CREB3L2: variants seen among roughly 807,000 people sequenced by gnomAD.
CREB3L2 encodes the protein cyclic AMP-responsive element-binding protein 3-like protein 2.
In CREB3L2, 23 loss-of-function variants were observed where a neutral mutation model predicts 57.2. The ratio of observed to expected loss-of-function variants is 0.40; its 90% CI spans 0.29 to 0.57. The LOEUF is 0.57. CREB3L2 is among the 20% of genes least tolerant of loss of function. The probability of loss-of-function intolerance (pLI) is 0.42; values close to 1 mark genes in which losing one functional copy is unlikely to be tolerated. For missense variants in CREB3L2, 628 were observed against 634.7 expected, an observed-to-expected ratio of 0.99 and a Z score of 0.11; for synonymous variants, 268 against 265.1, an observed-to-expected ratio of 1.01 and a Z score of -0.11.
chr7:137,990,598 A>C (rs1801875565), intron 1 of CREB3L2, among the ~76,000 whole-genome samples: 1 of 152,200 alleles, frequency 6.6e-6, no homozygotes, highest in South Asian at 2.1e-4. Flanking sequence ...CCCAGGATGC[A>C]AACAGACAGG....
chr7:137,953,602 A>G, intron 1 of CREB3L2: 1 of 1,037,390 alleles, frequency 9.6e-7, no homozygotes, highest in South Asian at 1.3e-5. Flanking sequence ...AAATCATTTC[A>G]TCTCTGTTGG....
intron 1 of CREB3L2, among the ~76,000 whole-genome samples, chr7:138,000,318 T>A (rs1216331004): frequency 6.6e-6 from 1 of 152,220 alleles, no homozygotes; most frequent in African/African-American, 2.4e-5. Context: ...AGGAAGCACA[T>A]CTGGTACCCC....
intron 1 of CREB3L2, among the ~76,000 whole-genome samples, chr7:137,996,510 C>A (rs924008823): frequency 1.5e-4 from 23 of 152,224 alleles, no homozygotes; most frequent in Non-Finnish European, 2.4e-4. Flanking sequence ...CCCTTCAGAA[C>A]CTGGCCTGGG....
intron 7 of CREB3L2, among the ~76,000 whole-genome samples, chr7:137,901,874 CAAAAAAAAAAA>C (rs59855306): frequency 1.9e-4 from 11 of 57,838 alleles, no homozygotes; most frequent in African/African-American, 6.6e-4. Flanking sequence ...AGATCTGTCT[CAAAAAAAAAAA>C]AAAAAAAGAA....
chr7:137,939,309 A>G (rs1800843465), intron 1 of CREB3L2, among the ~76,000 whole-genome samples: 1 of 152,206 alleles, frequency 6.6e-6, no homozygotes, highest in Non-Finnish European at 1.5e-5. Context: ...GGAGTAGGGC[A>G]GGACCCCTTC....
At chr7:137,912,797 T>C (rs1016256255) in intron 4 of CREB3L2, 194 bp downstream of exon 4, 2 of 1,477,256 alleles carry the variant, frequency 1.4e-6, no homozygotes, top group South Asian at 1.2e-5. Flanking sequence ...CGTGCATATA[T>C]GGGAAAATAA....
chr7:137,951,844 G>C (rs1801108606), intron 1 of CREB3L2, among the ~76,000 whole-genome samples: 1 of 152,098 alleles, frequency 6.6e-6, no homozygotes, highest in African/African-American at 2.4e-5. Context: ...GTTTTAATTA[G>C]CTGGGCGTGG....
At chr7:137,941,956 G>A (rs910268261) in intron 1 of CREB3L2, among the ~76,000 whole-genome samples, 6 of 152,188 alleles carry the variant, frequency 3.9e-5, no homozygotes, top group East Asian at 1.9e-4. Flanking sequence ...GAACTCGGTC[G>A]ATTCTAGTTT....
chr7:137,946,707 TTA>T (rs1417647219), intron 1 of CREB3L2, among the ~76,000 whole-genome samples: 1 of 147,052 alleles, frequency 6.8e-6, no homozygotes, highest in Non-Finnish European at 1.5e-5. Flanking sequence ...CCATACATTT[TTA>T]TATATAGTTA....
In CREB3L2 at chr7:137,878,989, T is replaced by G; in HGVS notation, c.*1487A>C. ...AGAGAGAAGCCAAAACCAAAGGCAT[T>G]TCAGCTGCTAATAAAAATAAAATAC... On this transcript the variant is annotated 3_prime_UTR_variant, in exon 12 of 12. Coordinates refer to ENST00000330387, the MANE Select transcript of CREB3L2 (RefSeq NM_194071.4). 2.4e-6 allele frequency: 1 copy of G among 408,234 alleles called. No homozygotes were observed. The highest frequency in any genetic ancestry group is 2.3e-5 in the South Asian group (1 of 43,092). 25.3% of individuals were successfully genotyped at this position (408,234 alleles called of 1,614,324 possible).
At chr7:137,930,086 A>G (rs550162699) in intron 1 of CREB3L2, among the ~76,000 whole-genome samples, 1 of 151,792 alleles carries the variant, frequency 6.6e-6, no homozygotes, top group South Asian at 2.1e-4. Context: ...TGTAGTAGAG[A>G]CAGGGTTTCA....
chr7:137,917,299 C>T (rs1276280606), intron 2 of CREB3L2, among the ~76,000 whole-genome samples: 1 of 152,006 alleles, frequency 6.6e-6, no homozygotes, highest in Non-Finnish European at 1.5e-5. Context: ...TTGGAGCTAG[C>T]GCTCAGCACT....
intron 1 of CREB3L2, among the ~76,000 whole-genome samples, chr7:137,929,967 C>T (rs273974): frequency 0.44 from 65,993 of 150,834 alleles, 15,378 homozygotes; most frequent in East Asian, 0.78. Context: ...GCGCGATCTC[C>T]ACTGCAAGCT....
intron 1 of CREB3L2, among the ~76,000 whole-genome samples, chr7:137,961,110 C>A (rs1326114547): frequency 6.7e-6 from 1 of 148,254 alleles, no homozygotes; most frequent in Non-Finnish European, 1.5e-5. Flanking sequence ...CTTAAAAAAC[C>A]AATCTATTAT....
rs1300953079 is a variant in CREB3L2, at chr7:137,875,083, GC to G, written c.*5392del. 5.4e-6 allele frequency: 1 copy of G among 184,110 alleles called. No homozygotes were observed. The highest frequency in any genetic ancestry group is 1.1e-5 in the Non-Finnish European group (1 of 91,614). 11.4% of individuals were successfully genotyped at this position (184,110 alleles called of 1,614,324 possible). On this transcript the variant is annotated 3_prime_UTR_variant, in exon 12 of 12. Coordinates refer to ENST00000330387, the MANE Select transcript of CREB3L2 (RefSeq NM_194071.4). Reference sequence around the variant, plus strand: ...AAACTAAGTACAAGTGTCCTACAAAGCTTTTTTTTTTTTTTGGTATTTACTT... The same window carrying G: ...AAACTAAGTACAAGTGTCCTACAAAGTTTTTTTTTTTTTTGGTATTTACTT...
At chr7:137,903,378 C>T (rs879566105) in intron 7 of CREB3L2, among the ~76,000 whole-genome samples, 2 of 152,128 alleles carry the variant, frequency 1.3e-5, no homozygotes, top group African/African-American at 2.4e-5. Flanking sequence ...AGCTAAAGAA[C>T]TAACTTCCAG....
chr7:137,875,194 T>C lies in CREB3L2; in HGVS notation c.*5282A>G, dbSNP rs902267658. 5 of 211,686 alleles carry C rather than the reference T, an allele frequency of 2.4e-5. No homozygotes were observed. The highest frequency in any genetic ancestry group is 3.8e-5 in the Non-Finnish European group (4 of 104,224). 13.1% of individuals were successfully genotyped at this position (211,686 alleles called of 1,614,324 possible). On this transcript the variant is annotated 3_prime_UTR_variant, in exon 12 of 12. Transcript: ENST00000330387. ...CAACGTATTTAGATTTAAACACTGC[T>C]GGTCTACGTAACCTGTTACAAAAGA... is the stretch of plus-strand genomic sequence containing the variant.
At chr7:137,963,810 T>C (rs1376076251) in intron 1 of CREB3L2, among the ~76,000 whole-genome samples, 1 of 152,254 alleles carries the variant, frequency 6.6e-6, no homozygotes, top group Non-Finnish European at 1.5e-5. Flanking sequence ...AGTTTAAAAA[T>C]AGTTATTGCC....
rs117134918 is a variant in CREB3L2 at position 137,954,880 on chromosome 7, A to G, written c.103-26514T>C. Among the ~76,000 whole-genome samples, 10 of 152,272 alleles carry G rather than the reference A, an allele frequency of 6.6e-5. No homozygotes were observed. The East Asian group carries it at 1.7e-3, about 26-fold the overall frequency. On this transcript the variant is annotated intron_variant, in intron 1 of 11. Transcript: ENST00000330387. ...ACTGCCCAACCTACAAAGGAATAGAAAGAAGACTACAAACGTTGCCTAAGC... is the reference window on the plus strand; with the variant it reads ...ACTGCCCAACCTACAAAGGAATAGAGAGAAGACTACAAACGTTGCCTAAGC...
Sources: gnomAD v4.1 joint callset for allele counts (sites outside exome capture counted in the v4.1 genomes callset) on GRCh38, gnomAD v4.1.1 for gene constraint, MANE v1.5 for transcripts, NCBI Gene and HGNC (gene_info 2026-07-23, HGNC 2026-07-21) for gene names.